Variants in CAMKMT observed in about 807,000 individuals in gnomAD.
CAMKMT encodes the protein CaM KMT.
A neutral mutation model predicts 48.0 loss-of-function variants in CAMKMT; 53 were observed. The observed-to-expected ratio is 1.10, with a 90% CI of 0.89 to 1.39. The LOEUF (loss-of-function observed/expected upper bound fraction) is 1.39, where lower values mean the gene tolerates loss of function less well. Among genes scored for constraint, CAMKMT ranks in the 40% most tolerant of loss-of-function variants. The pLI, the probability that CAMKMT is intolerant of heterozygous loss-of-function variation, is 0.00. For missense variants in CAMKMT, 428 were observed against 402.7 expected, an observed-to-expected ratio of 1.06 and a Z score of -0.54; for synonymous variants, 165 against 152.3, an observed-to-expected ratio of 1.08 and a Z score of -0.61.
intron 7 of CAMKMT, among the ~76,000 whole-genome samples, chr2:44,737,683 G>T (rs1679428732): frequency 6.6e-6 from 1 of 151,920 alleles, no homozygotes; most frequent in African/African-American, 2.4e-5. Flanking sequence ...TCACATACAT[G>T]CATGATCAGT....
chr2:44,540,615 G>T (rs1667046946), intron 3 of CAMKMT, among the ~76,000 whole-genome samples: 1 of 152,080 alleles, frequency 6.6e-6, no homozygotes, highest in African/African-American at 2.4e-5. Context: ...GCCGGACATG[G>T]TGGTACATGC....
chr2:44,630,123 C>A (rs1374863801), intron 3 of CAMKMT, among the ~76,000 whole-genome samples: 1 of 151,860 alleles, frequency 6.6e-6, no homozygotes, highest in Non-Finnish European at 1.5e-5. Context: ...TTTGACAAAC[C>A]TGAGAAAAAT....
Position 44,362,111 on chromosome 2 carries a change from C to T in CAMKMT, c.104C>T (p.Pro35Leu). Reference sequence around the variant, plus strand: ...ACTCGGGGGCCCGTAGTCTCGGCGCCCCTGGGAGCCGCCCGGTGGAAGCTC... The same window carrying T: ...ACTCGGGGGCCCGTAGTCTCGGCGCTCCTGGGAGCCGCCCGGTGGAAGCTC... ...CTTRGPVVSA[P>L]LGAARWKLLR... Residue 35 changes from proline (P) to leucine (L), a missense_variant, in exon 1 of 11, where the codon CCC (proline) becomes CTC (leucine). Physicochemically the swap from Pro to Leu is moderately conservative, Grantham distance 98. Coordinates refer to ENST00000378494, the MANE Select transcript of CAMKMT (RefSeq NM_024766.5). 1.4e-6 allele frequency: 2 copies of T among 1,469,974 alleles called. No individual in the cohort carries two copies. Among genetic ancestry groups the T allele is most frequent in the South Asian group, 1.4e-5 (1 of 73,904 alleles). 91.1% of individuals were successfully genotyped at this position (1,469,974 alleles called of 1,614,324 possible). A position where few individuals can be genotyped will look rare whatever the true frequency, so the allele number is the denominator to read the frequency against.
intron 1 of CAMKMT, among the ~76,000 whole-genome samples, chr2:44,366,880 C>T (rs1012826526): frequency 6.6e-6 from 1 of 152,020 alleles, no homozygotes; most frequent in Non-Finnish European, 1.5e-5. Flanking sequence ...CACCACCACG[C>T]CTGGCTAATT....
At chr2:44,760,324 T>A (rs1210302385) in intron 9 of CAMKMT, among the ~76,000 whole-genome samples, 1 of 151,972 alleles carries the variant, frequency 6.6e-6, no homozygotes, top group Non-Finnish European at 1.5e-5. Context: ...TTGCTCTGGC[T>A]GGAGTGTGAG....
intron 3 of CAMKMT, among the ~76,000 whole-genome samples, chr2:44,536,105 A>G (rs150775328): frequency 6.6e-6 from 1 of 152,302 alleles, no homozygotes; most frequent in Admixed American, 6.5e-5. Context: ...AAGTAATCTC[A>G]TTTGCAATAG....
intron 2 of CAMKMT, among the ~76,000 whole-genome samples, chr2:44,388,140 C>T (rs887550443): frequency 2.6e-5 from 4 of 152,030 alleles, no homozygotes; most frequent in African/African-American, 7.2e-5. Flanking sequence ...TCAGGAACAC[C>T]GATTATTCTT....
rs529409777 is a variant in CAMKMT, at chr2:44,752,347, G to GA, written c.699-1701dup. Among the ~76,000 whole-genome samples the GA allele has an allele frequency of 1.7e-4, 26 of 152,036 alleles. No individual in the cohort carries two copies. The East Asian group carries it at 4.7e-3, about 27-fold the overall frequency. On this transcript the variant is annotated intron_variant, in intron 8 of 10. Transcript: ENST00000378494. ...ATCACGTATCCCAATATGGGGTTCA[G>GA]AAAAAAAGTCCCTATCAATAGGTAT...
At chr2:44,619,083 G>A (rs1432517303) in intron 3 of CAMKMT, among the ~76,000 whole-genome samples, 1 of 152,176 alleles carries the variant, frequency 6.6e-6, no homozygotes, top group African/African-American at 2.4e-5. Context: ...GATATAAACA[G>A]AAGGATGGAA....
At chr2:44,678,114 T>G (rs1216041323) in intron 3 of CAMKMT, among the ~76,000 whole-genome samples, 3 of 152,148 alleles carry the variant, frequency 2.0e-5, no homozygotes, top group Non-Finnish European at 2.9e-5. Flanking sequence ...CTAGCTGGGT[T>G]GCTGCGTTTC....
intron 3 of CAMKMT, among the ~76,000 whole-genome samples, chr2:44,667,392 C>T (rs911034236): frequency 6.6e-6 from 1 of 152,188 alleles, no homozygotes; most frequent in Non-Finnish European, 1.5e-5. Context: ...TTTCTTTCAT[C>T]CTTCCTACTG....
At chr2:44,515,476 G>A (rs1460650783) in intron 3 of CAMKMT, among the ~76,000 whole-genome samples, 3 of 152,136 alleles carry the variant, frequency 2.0e-5, no homozygotes, top group Non-Finnish European at 4.4e-5. Flanking sequence ...CATGATCAAT[G>A]GAATAGGCAA....
In CAMKMT at chr2:44,631,567, G is replaced by A. The variant is rs530303422; in HGVS notation, c.377-72716G>A. 2.1e-4 allele frequency: 122 copies of A among 570,096 alleles called. No individual in the cohort carries two copies. In the African/African-American group the frequency reaches 2.2e-3, roughly 10 times the overall value. The allele number at this position is 570,096 out of a possible 1,614,324, so 35.3% of individuals were successfully genotyped here. On this transcript the variant is annotated intron_variant, in intron 3 of 10. Coordinates refer to ENST00000378494, the MANE Select transcript of CAMKMT (RefSeq NM_024766.5). ...AATCCTTCTGCCTCAGCCTCCCAAA[G>A]TGTGATTAGTAGCATGAGCCACTGC... is the stretch of plus-strand genomic sequence containing the variant.
chr2:44,486,045 A>G (rs889392992), intron 3 of CAMKMT, among the ~76,000 whole-genome samples: 1 of 152,108 alleles, frequency 6.6e-6, no homozygotes, highest in Non-Finnish European at 1.5e-5. Flanking sequence ...GCCCACTGCA[A>G]CCTCTGTCCC....
intron 3 of CAMKMT, among the ~76,000 whole-genome samples, chr2:44,624,911 A>C (rs937281990): frequency 1.3e-5 from 2 of 152,146 alleles, no homozygotes; most frequent in Admixed American, 6.5e-5. Flanking sequence ...ACTGACTTCC[A>C]CAATGGTTGA....
intron 3 of CAMKMT, among the ~76,000 whole-genome samples, chr2:44,428,763 G>A (rs776550625): frequency 6.6e-6 from 1 of 152,118 alleles, no homozygotes; most frequent in Non-Finnish European, 1.5e-5. Context: ...ATGCAGTCAC[G>A]TTAACCATAA....
At chr2:44,392,852 C>A (rs1240609799) in intron 3 of CAMKMT, among the ~76,000 whole-genome samples, 1 of 151,860 alleles carries the variant, frequency 6.6e-6, no homozygotes, top group Non-Finnish European at 1.5e-5. Context: ...AAATCACCAC[C>A]ATGGTAGTAT....
chr2:44,477,945 CCTTT>C (rs1668772793), intron 3 of CAMKMT, among the ~76,000 whole-genome samples: 1 of 152,188 alleles, frequency 6.6e-6, no homozygotes, highest in Admixed American at 6.5e-5. Context: ...CATGTCCATT[CCTTT>C]CTAAGATTTC....
chr2:44,370,512 C>T (rs1679064282), intron 1 of CAMKMT, among the ~76,000 whole-genome samples: 2 of 152,110 alleles, frequency 1.3e-5, no homozygotes, highest in African/African-American at 2.4e-5. Flanking sequence ...TAGTAACCTC[C>T]CTGTATCACA....
Sources: gnomAD v4.1 joint callset for allele counts (sites outside exome capture counted in the v4.1 genomes callset) on GRCh38, gnomAD v4.1.1 for gene constraint, MANE v1.5 for transcripts, NCBI Gene and HGNC (gene_info 2026-07-23, HGNC 2026-07-21) for gene names.